The following DIAPH2 variants were observed in gnomAD, a reference collection of about 807,000 sequenced individuals.
DIAPH2 encodes the protein diaphanous related formin 2.
In DIAPH2, 35 loss-of-function variants were observed where a neutral mutation model predicts 92.7. The observed-to-expected ratio is 0.38, with a 90% CI of 0.29 to 0.50. The LOEUF (loss-of-function observed/expected upper bound fraction) is 0.50, where lower values mean the gene tolerates loss of function less well. DIAPH2 is among the 20% of genes least tolerant of loss of function. The pLI, the probability that DIAPH2 is intolerant of heterozygous loss-of-function variation, is 0.94. For missense variants in DIAPH2, 701 were observed against 819.5 expected, an observed-to-expected ratio of 0.86 and a Z score of 1.77; for synonymous variants, 301 against 280.4, an observed-to-expected ratio of 1.07 and a Z score of -0.73.
intron 1 of DIAPH2, among the ~76,000 whole-genome samples, chrX:96,687,539 A>C (rs1490089730): frequency 9.1e-6 from 1 of 109,444 alleles, no homozygotes; most frequent in Non-Finnish European, 1.9e-5. Context: ...TCCCGGGTTC[A>C]AGTGATTCTC....
In DIAPH2 at chrX:97,603,513, G is replaced by A. The variant is rs1322552636; in HGVS notation, c.*4196G>A. 1 of 111,416 alleles carries A rather than the reference G, an allele frequency of 9.0e-6. No homozygotes were observed. The highest frequency in any genetic ancestry group is 1.9e-5 in the Non-Finnish European group (1 of 53,089). 9.2% of individuals were successfully genotyped at this position (111,416 alleles called of 1,213,427 possible). Reference sequence around the variant, plus strand: ...AGCCTCAAGCAATCCACCCATCTTGGCCTCCTAAAGTGCCGGATTACAGGT... The same window carrying A: ...AGCCTCAAGCAATCCACCCATCTTGACCTCCTAAAGTGCCGGATTACAGGT... On this transcript the variant is annotated 3_prime_UTR_variant, in exon 27 of 27. Coordinates refer to ENST00000324765, the MANE Select transcript of DIAPH2 (RefSeq NM_006729.5).
chrX:97,285,219 A>T (rs2068530210), intron 23 of DIAPH2, among the ~76,000 whole-genome samples: 1 of 109,674 alleles, frequency 9.1e-6, no homozygotes, highest in Non-Finnish European at 1.9e-5. Context: ...GAACCTTTCA[A>T]ATTCAGCTTT....
chrX:97,556,281 C>T (rs2071256397), intron 26 of DIAPH2, among the ~76,000 whole-genome samples: 1 of 111,945 alleles, frequency 8.9e-6, no homozygotes, highest in Non-Finnish European at 1.9e-5. Context: ...AGAGTCTCTA[C>T]TGAGTAAAAG....
chrX:96,912,366 T>C lies in DIAPH2; in HGVS notation c.626T>C (p.Leu209Ser). 8.3e-7 allele frequency: 1 copy of C among 1,203,313 alleles called. No individual in the cohort carries two copies. The highest frequency in any genetic ancestry group is 1.1e-6 in the Non-Finnish European group (1 of 890,712). The change falls in exon 6 of 27, where the codon TTA (leucine) becomes TCA (serine). Residue 209 changes from leucine to serine, a missense_variant. Physicochemically the swap from Leu to Ser is moderately radical, Grantham distance 145. Coordinates refer to ENST00000324765, the MANE Select transcript of DIAPH2 (RefSeq NM_006729.5). Reference protein sequence around the residue: ...NNFGHEGLGLLLDELEKLLDK... With the variant: ...NNFGHEGLGLSLDELEKLLDK... The stretch of plus-strand genomic sequence containing the variant: ...TTTGGCCATGAAGGTCTTGGACTCT[T>C]ATTGGATGAGCTGGAAAAGCTTCTG...
intron 22 of DIAPH2, among the ~76,000 whole-genome samples, chrX:97,222,023 A>G (rs1441006001): frequency 2.7e-5 from 3 of 111,562 alleles, no homozygotes; most frequent in Non-Finnish European, 5.6e-5. Context: ...AGTTATTCCA[A>G]TGGTATTCAA....
chrX:97,303,375 G>GT (rs1285467237), intron 23 of DIAPH2, among the ~76,000 whole-genome samples: 1 of 111,684 alleles, frequency 9.0e-6, no homozygotes, highest in Non-Finnish European at 1.9e-5. Context: ...TGTGTATATT[G>GT]TAAGACATAC....
intron 26 of DIAPH2, among the ~76,000 whole-genome samples, chrX:97,519,870 C>T (rs1237839279): frequency 9.0e-6 from 1 of 110,687 alleles, no homozygotes; most frequent in African/African-American, 3.3e-5. Flanking sequence ...GCATTACAGG[C>T]GCGCTGTAAT....
At chrX:96,932,885 A>G (rs1365277257) in intron 10 of DIAPH2, among the ~76,000 whole-genome samples, 1 of 111,077 alleles carries the variant, frequency 9.0e-6, no homozygotes, top group African/African-American at 3.3e-5. Flanking sequence ...ACTTCTATCA[A>G]ACTGTATTTT....
At chrX:97,058,478 T>A (rs895854745) in intron 17 of DIAPH2, among the ~76,000 whole-genome samples, 3 of 102,219 alleles carry the variant, frequency 2.9e-5, no homozygotes, top group Non-Finnish European at 6.2e-5. Flanking sequence ...TTTTTTTTTT[T>A]AAGTATTTAG....
At chrX:97,344,142 T>G (rs1786682542) in intron 23 of DIAPH2, among the ~76,000 whole-genome samples, 1 of 112,403 alleles carries the variant, frequency 8.9e-6, no homozygotes, top group South Asian at 3.7e-4. Context: ...GATTATAAAC[T>G]TCTTCAGGGT....
At chrX:97,517,652 TA>T in intron 26 of DIAPH2, among the ~76,000 whole-genome samples, 1 of 112,761 alleles carries the variant, frequency 8.9e-6, no homozygotes, top group Middle Eastern at 4.6e-3. Flanking sequence ...CTGAGAAGCT[TA>T]AAACATTGAC....
chrX:97,253,059 C>T (rs1313740095), intron 23 of DIAPH2, among the ~76,000 whole-genome samples: 1 of 110,763 alleles, frequency 9.0e-6, no homozygotes, highest in East Asian at 2.8e-4. Flanking sequence ...GAGGCCAAGG[C>T]AGGTGGATCA....
At chrX:97,150,710 C>T (rs891716285) in intron 22 of DIAPH2, among the ~76,000 whole-genome samples, 4 of 112,014 alleles carry the variant, frequency 3.6e-5, no homozygotes, top group Admixed American at 2.8e-4. Context: ...TGATCCTGTA[C>T]TCTCTTGCAC....
At chrX:97,174,884 G>T (rs1339255150) in intron 22 of DIAPH2, among the ~76,000 whole-genome samples, 1 of 111,868 alleles carries the variant, frequency 8.9e-6, no homozygotes, top group Non-Finnish European at 1.9e-5. Flanking sequence ...TCTTAGGGCT[G>T]TTCTCCCCTT....
At chrX:97,322,769 T>C (rs2068909734) in intron 23 of DIAPH2, among the ~76,000 whole-genome samples, 1 of 111,453 alleles carries the variant, frequency 9.0e-6, no homozygotes, top group African/African-American at 3.3e-5. Flanking sequence ...CTTTGAGATT[T>C]CCTTCCTGAC....
chrX:97,545,617 A>T (rs777178613), intron 26 of DIAPH2, among the ~76,000 whole-genome samples: 3 of 106,940 alleles, frequency 2.8e-5, no homozygotes, highest in African/African-American at 1.0e-4. Context: ...CATTTACTGT[A>T]TGTTCATTAT....
intron 1 of DIAPH2, among the ~76,000 whole-genome samples, chrX:96,715,259 T>C (rs1046494661): frequency 2.7e-5 from 3 of 111,673 alleles, no homozygotes; most frequent in African/African-American, 9.8e-5. Flanking sequence ...TGATAATCAT[T>C]TGATTACTCC....
chrX:97,015,189 GAAA>G (rs1173190190), intron 17 of DIAPH2, among the ~76,000 whole-genome samples: 5 of 111,418 alleles, frequency 4.5e-5, no homozygotes, highest in Non-Finnish European at 9.4e-5. Flanking sequence ...GATACATGGG[GAAA>G]AAATTAGGCT....
At chrX:96,789,241 A>G (rs1412028225) in intron 4 of DIAPH2, among the ~76,000 whole-genome samples, 1 of 111,999 alleles carries the variant, frequency 8.9e-6, no homozygotes, top group African/African-American at 3.2e-5. Context: ...CACCTGCCCA[A>G]GGAAGCCCAT....
Sources: gnomAD v4.1 joint callset for allele counts (sites outside exome capture counted in the v4.1 genomes callset) on GRCh38, gnomAD v4.1.1 for gene constraint, MANE v1.5 for transcripts, NCBI Gene and HGNC (gene_info 2026-07-23, HGNC 2026-07-21) for gene names.